The following MSX2 variants were observed in gnomAD, a reference collection of about 807,000 sequenced individuals.
MSX2 encodes the protein msh homeobox 2.
MSX2 carries 10 observed loss-of-function variants against 18.4 expected under a neutral mutation model. The ratio of observed to expected loss-of-function variants is 0.54; its 90% CI spans 0.34 to 0.92. The LOEUF is 0.92. Among genes scored for constraint, MSX2 ranks in the 40% least tolerant of loss-of-function variants. The pLI is 0.02. For missense variants in MSX2, 339 were observed against 364.0 expected, an observed-to-expected ratio of 0.93 and a Z score of 0.56; for synonymous variants, 170 against 165.6, an observed-to-expected ratio of 1.03 and a Z score of -0.20.
In MSX2 at chr5:174,729,366, A is replaced by G. The variant is rs1328572937; in HGVS notation, c.587A>G (p.Lys196Arg). 6.2e-7 allele frequency: 1 copy of G among 1,614,210 alleles called. No homozygotes were observed. The stretch of plus-strand genomic sequence containing the variant: ...ATCTGGTTCCAGAACCGAAGGGCCA[A>G]GGCGAAAAGACTGCAGGAGGCAGAA... ...VKIWFQNRRA[K>R]AKRLQEAELE... The change falls in exon 2 of 2, where the codon AAG becomes AGG. Residue 196 changes from lysine to arginine, a missense_variant. Around this residue, in one of 2 missense-constraint regions of MSX2, gnomAD observed 128 missense variants for 178.6 expected, o/e 0.72. Transcript: ENST00000239243.
Position 174,729,641 on chromosome 5 carries a change from C to T in MSX2, c.*58C>T. The T allele has an allele frequency of 6.4e-7, 1 of 1,564,532 alleles. No homozygotes were observed. Among genetic ancestry groups the T allele is most frequent in the Non-Finnish European group, 8.7e-7 (1 of 1,147,812 alleles). ...GCTTGTTTCAAAGGGTTTCCTCTCC[C>T]TCTCCACGAAGGCAGTACCAGCCAG... On this transcript the variant is annotated 3_prime_UTR_variant, in exon 2 of 2. Transcript: ENST00000239243.
At chr5:174,727,266 TC>T (rs1163667369) in intron 1 of MSX2, among the ~76,000 whole-genome samples, 1 of 152,036 alleles carries the variant, frequency 6.6e-6, no homozygotes, top group Non-Finnish European at 1.5e-5. Flanking sequence ...ATCGCATCCT[TC>T]CTCTGGCTGG....
chr5:174,724,856 C>A lies in MSX2; in HGVS notation c.197C>A (p.Pro66Gln), dbSNP rs527786984. The change falls in exon 1 of 2, where the codon CCG becomes CAG. Residue 66 changes from proline to glutamine, a missense_variant. Physicochemically the swap from Pro to Gln is moderately conservative, Grantham distance 76. Transcript: ENST00000239243. ...CCGCCCAAGGAGGCGTCCCCGCTGC[C>A]GGCCGAAAGCGCCTCGGCCGGGGCC... The part of the protein sequence containing the change: ...KKPPKEASPL[P>Q]AESASAGATL... The A allele has an allele frequency of 1.9e-6, 3 of 1,552,840 alleles. No homozygotes were observed. Among genetic ancestry groups the A allele is most frequent in the Non-Finnish European group, 2.6e-6 (3 of 1,148,610 alleles).
Position 174,728,993 on chromosome 5 carries a change from G to GTA in MSX2, c.380-165_380-164insAT, listed in dbSNP as rs1197660387. On this transcript the variant is annotated intron_variant, in intron 1 of 1. Coordinates refer to ENST00000239243, the MANE Select transcript of MSX2 (RefSeq NM_002449.5). ...TGTGTGTGTGTGTGTGTGTGTGTGT[G>GTA]TGTATATGTATGTATATATAGATTT... is the stretch of plus-strand genomic sequence containing the variant. 9.9e-4 allele frequency among the ~76,000 whole-genome samples: 107 copies of GTA among 108,524 alleles called. 1 individual carries two copies. Among genetic ancestry groups the GTA allele is most frequent in the Non-Finnish European group, 1.8e-3 (94 of 50,892 alleles). 71.2% of individuals were successfully genotyped at this position (108,524 alleles called of 152,430 possible).
rs1178033834 is a variant in MSX2 at position 174,725,146 on chromosome 5, C to T, written c.379+108C>T. 8 of 1,482,264 alleles carry T rather than the reference C, an allele frequency of 5.4e-6. No individual in the cohort carries two copies. The African/African-American group carries it at 8.4e-5, about 15-fold the overall frequency. The allele number at this position is 1,482,264 out of a possible 1,614,324, so 91.8% of individuals were successfully genotyped here. On this transcript the variant is annotated intron_variant, in intron 1 of 1. Coordinates refer to ENST00000239243, the MANE Select transcript of MSX2 (RefSeq NM_002449.5). Reference sequence around the variant, plus strand: ...CCGAGACCCTTCTGCGTGCGCTACACTCCCGGGAAAGCAAGCCCAGGGCCT... The same window carrying T: ...CCGAGACCCTTCTGCGTGCGCTACATTCCCGGGAAAGCAAGCCCAGGGCCT...
rs73340433 is a variant in MSX2, at chr5:174,728,622, C to T, written c.380-537C>T. On this transcript the variant is annotated intron_variant, in intron 1 of 1. Coordinates refer to ENST00000239243, the MANE Select transcript of MSX2 (RefSeq NM_002449.5). ...TTTTCCTTCCCATATGTGATTGTCT[C>T]CATGTCCAAGGGAGGCTGGGCTAAT... Among the ~76,000 whole-genome samples the T allele has an allele frequency of 6.6e-3, 1,011 of 152,308 alleles. 7 individuals are homozygous for T. The highest frequency in any genetic ancestry group is 0.023 in the African/African-American group (943 of 41,578).
chr5:174,725,889 G>A (rs897267797), intron 1 of MSX2, among the ~76,000 whole-genome samples: 1 of 152,158 alleles, frequency 6.6e-6, no homozygotes, highest in African/African-American at 2.4e-5. Context: ...AGACGTGGAC[G>A]CTGAGGCTTT....
At position 174,730,314 on chromosome 5, in the gene MSX2, A is replaced by G. The variant is rs1424521977; in HGVS notation, c.*731A>G. 1 of 151,996 alleles carries G rather than the reference A, an allele frequency of 6.6e-6. No individual in the cohort carries two copies. Among genetic ancestry groups the G allele is most frequent in the Non-Finnish European group, 1.5e-5 (1 of 68,034 alleles). The allele number at this position is 151,996 out of a possible 1,614,324, so 9.4% of individuals were successfully genotyped here. The stretch of plus-strand genomic sequence containing the variant: ...TACCTGGGATGAGAAGAATCCTGAG[A>G]CTGCCTGGAGGTGAGGTAGAAAATT... On this transcript the variant is annotated 3_prime_UTR_variant, in exon 2 of 2. Transcript: ENST00000239243.
Position 174,724,849 on chromosome 5 carries a change from C to T in MSX2, c.190C>T (p.Pro64Ser), listed in dbSNP as rs944917896. The change falls in exon 1 of 2, where the codon CCG (proline) becomes TCG (serine). Residue 64 changes from proline (P) to serine (S), a missense_variant. Around this residue, in one of 2 missense-constraint regions of MSX2, gnomAD observed 211 missense variants for 185.4 expected, o/e 1.14. Coordinates refer to ENST00000239243, the MANE Select transcript of MSX2 (RefSeq NM_002449.5). Reference sequence around the variant, plus strand: ...CAAGAAGCCGCCCAAGGAGGCGTCCCCGCTGCCGGCCGAAAGCGCCTCGGC... The same window carrying T: ...CAAGAAGCCGCCCAAGGAGGCGTCCTCGCTGCCGGCCGAAAGCGCCTCGGC... ...SDKKPPKEASPLPAESASAGA... is the reference protein window; with the variant it reads ...SDKKPPKEASSLPAESASAGA... The T allele has an allele frequency of 1.5e-5, 24 of 1,551,580 alleles. No homozygotes were observed. The African/African-American group carries it at 2.7e-4, about 18-fold the overall frequency.
In MSX2 at chr5:174,729,893, A is replaced by C. The variant is rs995156835; in HGVS notation, c.*310A>C. The C allele has an allele frequency of 6.5e-6, 1 of 154,734 alleles. No individual in the cohort carries two copies. The highest frequency in any genetic ancestry group is 2.4e-5 in the African/African-American group (1 of 41,436). The allele number at this position is 154,734 out of a possible 1,614,324, so 9.6% of individuals were successfully genotyped here. A position where few individuals can be genotyped will look rare whatever the true frequency, so the allele number is the denominator to read the frequency against. On this transcript the variant is annotated 3_prime_UTR_variant, in exon 2 of 2. Coordinates refer to ENST00000239243, the MANE Select transcript of MSX2 (RefSeq NM_002449.5). ...ATACATTTTTATACAGCAGACGTAA[A>C]AATTCAAATTATTTTAAAAGGCAAA...
At position 174,729,144 on chromosome 5, in the gene MSX2, C is replaced by G; in HGVS notation, c.380-15C>G. 1 of 1,613,104 alleles carries G rather than the reference C, an allele frequency of 6.2e-7. No homozygotes were observed. The highest frequency in any genetic ancestry group is 8.5e-7 in the Non-Finnish European group (1 of 1,179,198). On this transcript the variant is annotated splice_polypyrimidine_tract_variant and intron_variant, in intron 1 of 1. Transcript: ENST00000239243. ...AACTTTCTTTTGCTAATCCGCTCCTCTCTCTGTTCTCTAGGACATATGAGC... is the reference window on the plus strand; with the variant it reads ...AACTTTCTTTTGCTAATCCGCTCCTGTCTCTGTTCTCTAGGACATATGAGC...
rs570251267 is a variant in MSX2, at chr5:174,725,764, C to T, written c.379+726C>T. 4.2e-4 allele frequency among the ~76,000 whole-genome samples: 64 copies of T among 152,308 alleles called. 2 individuals carry two copies. The highest frequency in any genetic ancestry group is 4.1e-3 in the Admixed American group (62 of 15,304). ...CTTCTTGGCTCACAGTAATAATTAA[C>T]CGCATTCCAGCAGGGCTTGAGAGTT... On this transcript the variant is annotated intron_variant, in intron 1 of 1. Coordinates refer to ENST00000239243, the MANE Select transcript of MSX2 (RefSeq NM_002449.5).
At position 174,729,589 on chromosome 5, in the gene MSX2, A is replaced by T; in HGVS notation, c.*6A>T. 1 of 1,608,116 alleles carries T rather than the reference A, an allele frequency of 6.2e-7. No homozygotes were observed. Among genetic ancestry groups the T allele is most frequent in the Non-Finnish European group, 8.5e-7 (1 of 1,179,654 alleles). Reference sequence around the variant, plus strand: ...GCATGTACCACCTGTCCTAAGGAAGACCAGATCAATAGACTCCATGATGGA... The same window carrying T: ...GCATGTACCACCTGTCCTAAGGAAGTCCAGATCAATAGACTCCATGATGGA... On this transcript the variant is annotated 3_prime_UTR_variant, in exon 2 of 2. Coordinates refer to ENST00000239243, the MANE Select transcript of MSX2 (RefSeq NM_002449.5).
chr5:174,725,810 C>T (rs1347134922), intron 1 of MSX2, among the ~76,000 whole-genome samples: 1 of 152,202 alleles, frequency 6.6e-6, no homozygotes, highest in East Asian at 1.9e-4. Flanking sequence ...TGTTCACTAG[C>T]TCACCAGATC....
intron 1 of MSX2, 107 bp downstream of exon 1, chr5:174,725,145 A>T (rs1581517098): frequency 1.4e-6 from 2 of 1,479,096 alleles, no homozygotes; most frequent in South Asian, 2.7e-5. Context: ...CGTGCGCTAC[A>T]CTCCCGGGAA....
Position 174,724,934 on chromosome 5 carries a change from C to G in MSX2, c.275C>G (p.Pro92Arg), listed in dbSNP as rs1341406944. 6.3e-7 allele frequency: 1 copy of G among 1,585,186 alleles called. No individual in the cohort carries two copies. Among genetic ancestry groups the G allele is most frequent in the Non-Finnish European group, 8.6e-7 (1 of 1,168,318 alleles). ...SGHGAREAHS[P>R]GPLVKPFETA... is the part of the protein sequence containing the mutation. Reference sequence around the variant, plus strand: ...CACGGCGCTCGGGAAGCGCACAGCCCCGGGCCGCTGGTGAAGCCCTTCGAG... The same window carrying G: ...CACGGCGCTCGGGAAGCGCACAGCCGCGGGCCGCTGGTGAAGCCCTTCGAG... The change falls in exon 1 of 2, where the codon CCC (proline) becomes CGC (arginine). Residue 92 changes from proline to arginine, a missense_variant. By Grantham distance (103) the Pro-to-Arg change is moderately radical. This residue lies in a region of MSX2 where 211 missense variants were observed against 185.4 expected (regional missense o/e 1.14). Transcript: ENST00000239243.
rs577291689 is a variant in MSX2, at chr5:174,729,755, G to A, written c.*172G>A. The A allele has an allele frequency of 1.4e-3, 899 of 641,936 alleles. No homozygotes were observed. Among genetic ancestry groups the A allele is most frequent in the South Asian group, 2.3e-3 (119 of 50,724 alleles). The allele number at this position is 641,936 out of a possible 1,614,324, so 39.8% of individuals were successfully genotyped here. Reference sequence around the variant, plus strand: ...CATAGCTGAAATTTGTTCTGTAGGCGGAGGCACCAAGCCCTGTTTTCTTGG... The same window carrying A: ...CATAGCTGAAATTTGTTCTGTAGGCAGAGGCACCAAGCCCTGTTTTCTTGG... On this transcript the variant is annotated 3_prime_UTR_variant, in exon 2 of 2. Coordinates refer to ENST00000239243, the MANE Select transcript of MSX2 (RefSeq NM_002449.5).
Position 174,724,647 on chromosome 5 carries a change from G to A in MSX2, c.-13G>A, listed in dbSNP as rs1318644445. ...GGAGTCGCGCGTCGGGAGCTACGTA[G>A]GGCAGAGAAGTCATGGCTTCTCCGT... On this transcript the variant is annotated 5_prime_UTR_variant, in exon 1 of 2. Transcript: ENST00000239243. 4.4e-6 allele frequency: 7 copies of A among 1,582,536 alleles called. No homozygotes were observed. The highest frequency in any genetic ancestry group is 3.4e-5 in the South Asian group (3 of 87,000).
intron 1 of MSX2, among the ~76,000 whole-genome samples, chr5:174,728,321 G>A (rs1760847863): frequency 6.6e-6 from 1 of 152,132 alleles, no homozygotes; most frequent in African/African-American, 2.4e-5. Context: ...CTTCGTCTTA[G>A]TAAAGTTTAT....
Sources: gnomAD v4.1 joint callset for allele counts (sites outside exome capture counted in the v4.1 genomes callset) on GRCh38, gnomAD v4.1.1 for gene constraint, gnomAD v4.1.1 regional missense constraint, MANE v1.5 for transcripts, NCBI Gene and HGNC (gene_info 2026-07-23, HGNC 2026-07-21) for gene names.